Variants in ST3GAL3 observed in about 807,000 individuals in gnomAD.
ST3GAL3 encodes the protein ST3 beta-galactoside alpha-2,3-sialyltransferase 3.
ST3GAL3 carries 21 observed loss-of-function variants against 50.1 expected under a neutral mutation model. The observed-to-expected ratio is 0.42, with a 90% CI of 0.30 to 0.60. The LOEUF (loss-of-function observed/expected upper bound fraction) is 0.60, where lower values mean the gene tolerates loss of function less well. ST3GAL3 is among the 20% of genes least tolerant of loss of function. The pLI is 0.19. For synonymous variants in ST3GAL3, 183 were observed against 190.0 expected (o/e 0.96, Z 0.30); for missense variants, 353 against 489.4 (o/e 0.72, Z 2.63).
intron 4 of ST3GAL3, among the ~76,000 whole-genome samples, chr1:43,818,046 C>T (rs959902510): frequency 5.3e-5 from 8 of 151,938 alleles, no homozygotes; most frequent in African/African-American, 1.9e-4. Flanking sequence ...CATTTAGATT[C>T]TTGGGTATAT....
intron 2 of ST3GAL3, among the ~76,000 whole-genome samples, chr1:43,781,881 A>G (rs141684221): frequency 9.8e-5 from 15 of 152,300 alleles, no homozygotes; most frequent in Non-Finnish European, 1.6e-4. Context: ...TCCCATCCCT[A>G]TACCAAACCA....
chr1:43,743,802 A>G lies in ST3GAL3; in HGVS notation c.118+7422A>G. 1.4e-5 allele frequency: 3 copies of G among 214,004 alleles called. No individual in the cohort carries two copies. The South Asian group carries it at 2.3e-4, about 16-fold the overall frequency. The allele number at this position is 214,004 out of a possible 1,614,324, so 13.3% of individuals were successfully genotyped here. A position where few individuals can be genotyped will look rare whatever the true frequency, so the allele number is the denominator to read the frequency against. On this transcript the variant is annotated intron_variant, in intron 2 of 11. Transcript: ENST00000347631. Reference sequence around the variant, plus strand: ...TAGAAAACTGCAATTTGGTTCTGCCACATCCTGACTACTACAGTATAGTAT... The same window carrying G: ...TAGAAAACTGCAATTTGGTTCTGCCGCATCCTGACTACTACAGTATAGTAT...
chr1:43,827,709 G>A (rs1311717770), intron 4 of ST3GAL3, among the ~76,000 whole-genome samples: 1 of 151,916 alleles, frequency 6.6e-6, no homozygotes, highest in East Asian at 1.9e-4. Context: ...GTCAGGGTCC[G>A]CTATGTTGCT....
intron 2 of ST3GAL3, among the ~76,000 whole-genome samples, chr1:43,783,948 C>T (rs555086525): frequency 1.3e-5 from 2 of 152,206 alleles, no homozygotes; most frequent in African/African-American, 2.4e-5. Flanking sequence ...GTGTCAAAGC[C>T]TTTTTATGAA....
chr1:43,730,575 T>C (rs552037921), intron 1 of ST3GAL3, among the ~76,000 whole-genome samples: 65 of 147,872 alleles, frequency 4.4e-4, no homozygotes, highest in East Asian at 7.8e-4. Context: ...TTCTTTCTTT[T>C]TTTTTTTTTT....
chr1:43,757,835 A>C (rs1315392959), intron 2 of ST3GAL3, among the ~76,000 whole-genome samples: 1 of 152,234 alleles, frequency 6.6e-6, no homozygotes, highest in Non-Finnish European at 1.5e-5. Context: ...ACAAATATTT[A>C]AAGGCAAGCC....
rs542910368 is a variant in ST3GAL3 at position 43,733,796 on chromosome 1, A to G, written c.-30-2437A>G. On this transcript the variant is annotated intron_variant, in intron 1 of 11. Transcript: ENST00000347631. ...AAACTCACATTTCAGGAAAACTGAC[A>G]TATTTCAAATTGAATCTTCTCACTT... 1.6e-3 allele frequency among the ~76,000 whole-genome samples: 240 copies of G among 152,374 alleles called. 2 individuals carry two copies. The highest frequency in any genetic ancestry group is 2.9e-3 in the Non-Finnish European group (197 of 68,042).
At chr1:43,902,807 C>T (rs558176360) in intron 9 of ST3GAL3, among the ~76,000 whole-genome samples, 1 of 152,202 alleles carries the variant, frequency 6.6e-6, no homozygotes, top group African/African-American at 2.4e-5. Context: ...CCAACACACT[C>T]ACTCACTTAT....
intron 2 of ST3GAL3, among the ~76,000 whole-genome samples, 173 bp from the exon 3 acceptor site, chr1:43,791,929 C>T (rs1037482176): frequency 5.3e-5 from 8 of 152,188 alleles, no homozygotes; most frequent in African/African-American, 1.9e-4. Flanking sequence ...CTGGGCTGGG[C>T]AGGGTCTCCT....
chr1:43,911,345 ATGGGGTT>A (rs1156929487), intron 9 of ST3GAL3: 1 of 132,894 alleles, frequency 7.5e-6, no homozygotes, highest in South Asian at 2.3e-4. Context: ...TTTTGTAGAG[ATGGGGTT>A]TTGCACAAGG....
intron 5 of ST3GAL3, among the ~76,000 whole-genome samples, chr1:43,868,938 A>T (rs775256100): frequency 1.3e-5 from 2 of 152,174 alleles, no homozygotes; most frequent in African/African-American, 4.8e-5. Flanking sequence ...AGACAGCCCA[A>T]TGAAGAAAGT....
intron 3 of ST3GAL3, among the ~76,000 whole-genome samples, chr1:43,809,735 C>T (rs2060314986): frequency 6.6e-6 from 1 of 151,966 alleles, no homozygotes; most frequent in Non-Finnish European, 1.5e-5. Context: ...TGGTTCACGC[C>T]TGTAATCCTA....
intron 1 of ST3GAL3, chr1:43,720,414 G>A (rs973388034): frequency 6.6e-6 from 1 of 152,188 alleles, no homozygotes; most frequent in African/African-American, 2.4e-5. Flanking sequence ...TCCATTTTGT[G>A]TTACTATAAC....
chr1:43,778,803 G>A (rs1488914754), intron 2 of ST3GAL3, among the ~76,000 whole-genome samples: 3 of 151,302 alleles, frequency 2.0e-5, no homozygotes, highest in South Asian at 2.1e-4. Flanking sequence ...CCGCCACAAC[G>A]CCCGGCTAAT....
At chr1:43,898,608 G>A (rs147399073) in intron 7 of ST3GAL3, among the ~76,000 whole-genome samples, 373 of 152,312 alleles carry the variant, frequency 2.4e-3, no homozygotes, top group Non-Finnish European at 3.8e-3. Context: ...GCGGGGGCAG[G>A]TGAAGGGGGC....
chr1:43,788,487 G>C (rs1158132426), intron 2 of ST3GAL3, among the ~76,000 whole-genome samples: 1 of 152,112 alleles, frequency 6.6e-6, no homozygotes, highest in African/African-American at 2.4e-5. Flanking sequence ...GACTCTTTGT[G>C]TGAGCACTCA....
chr1:43,792,045 G>A, intron 2 of ST3GAL3, 57 bp from the exon 3 acceptor site: 1 of 1,608,106 alleles, frequency 6.2e-7, no homozygotes, highest in Non-Finnish European at 8.5e-7. Context: ...GCCAGTGGGA[G>A]CTTGCTTTTT....
chr1:43,772,913 A>AT (rs978004340), intron 2 of ST3GAL3, among the ~76,000 whole-genome samples: 10 of 151,806 alleles, frequency 6.6e-5, no homozygotes, highest in African/African-American at 2.2e-4. Context: ...GGCCCAGCTG[A>AT]TTTTTTTGTA....
chr1:43,732,772 C>G (rs1378174687), intron 1 of ST3GAL3, among the ~76,000 whole-genome samples: 1 of 151,936 alleles, frequency 6.6e-6, no homozygotes, highest in Non-Finnish European at 1.5e-5. Flanking sequence ...TGTACATGTC[C>G]TTTTTAATAT....
Sources: gnomAD v4.1 joint callset for allele counts (sites outside exome capture counted in the v4.1 genomes callset) on GRCh38, gnomAD v4.1.1 for gene constraint, MANE v1.5 for transcripts, NCBI Gene and HGNC (gene_info 2026-07-23, HGNC 2026-07-21) for gene names.